FTO: variants seen among roughly 807,000 people sequenced by gnomAD.
FTO encodes the protein alpha-ketoglutarate-dependent dioxygenase FTO.
In FTO, 47 loss-of-function variants were observed where a neutral mutation model predicts 63.9. The ratio of observed to expected loss-of-function variants is 0.74; its 90% CI spans 0.58 to 0.94. FTO has a LOEUF of 0.94. FTO is among the 40% of genes least tolerant of loss of function. FTO has a pLI of 0.00. For missense variants in FTO, 562 were observed against 618.1 expected, an observed-to-expected ratio of 0.91 and a Z score of 0.96; for synonymous variants, 207 against 224.4, an observed-to-expected ratio of 0.92 and a Z score of 0.69.
chr16:53,891,578 T>C (rs1356939388), intron 7 of FTO, among the ~76,000 whole-genome samples: 1 of 152,110 alleles, frequency 6.6e-6, no homozygotes. Flanking sequence ...GGAGGATCAT[T>C]GGAGCCCAGG....
At chr16:53,876,283 T>C (rs4784328) in intron 5 of FTO, among the ~76,000 whole-genome samples, 78,330 of 151,964 alleles carry the variant, frequency 0.52, 20,912 homozygotes, top group East Asian at 0.85. Context: ...TAAATATAAA[T>C]GGTAGCCTAC....
chr16:53,884,877 G>T (rs1172423554), intron 6 of FTO, among the ~76,000 whole-genome samples: 3 of 152,148 alleles, frequency 2.0e-5, no homozygotes, highest in Non-Finnish European at 4.4e-5. Flanking sequence ...GCTCCTGCAG[G>T]TTGTTTCCCT....
intron 7 of FTO, among the ~76,000 whole-genome samples, chr16:53,909,716 A>G (rs1027847579): frequency 5.3e-5 from 8 of 151,222 alleles, no homozygotes; most frequent in African/African-American, 1.9e-4. Flanking sequence ...GGTGCCCGCC[A>G]CCACGCTCGG....
chr16:53,988,814 A>C (rs1366919865), intron 8 of FTO, among the ~76,000 whole-genome samples: 1 of 152,130 alleles, frequency 6.6e-6, no homozygotes, highest in Non-Finnish European at 1.5e-5. Flanking sequence ...GCCTCATCAT[A>C]CCTCATAATA....
At chr16:53,984,028 C>T (rs569588725) in intron 8 of FTO, among the ~76,000 whole-genome samples, 1 of 152,312 alleles carries the variant, frequency 6.6e-6, no homozygotes, top group East Asian at 1.9e-4. Context: ...AGTGGCCATA[C>T]CTTCTCATTC....
intron 2 of FTO, among the ~76,000 whole-genome samples, chr16:53,819,283 C>T (rs1422650094): frequency 6.6e-6 from 1 of 152,204 alleles, no homozygotes; most frequent in African/African-American, 2.4e-5. Flanking sequence ...CATCCTTCCA[C>T]CTCAGCTGCC....
chr16:53,748,787 G>A (rs760190937), intron 1 of FTO, among the ~76,000 whole-genome samples: 42 of 151,298 alleles, frequency 2.8e-4, no homozygotes, highest in Non-Finnish European at 4.4e-4. Flanking sequence ...TTTTTGAAAC[G>A]GATTCTTGCT....
At chr16:53,774,670 A>G (rs1453302700) in intron 1 of FTO, among the ~76,000 whole-genome samples, 1 of 152,182 alleles carries the variant, frequency 6.6e-6, no homozygotes, top group Non-Finnish European at 1.5e-5. Context: ...AGGTTGATAT[A>G]AAGTCATCAG....
chr16:54,075,096 T>C (rs2085962018), intron 8 of FTO, among the ~76,000 whole-genome samples: 2 of 152,250 alleles, frequency 1.3e-5, no homozygotes, highest in African/African-American at 4.8e-5. Context: ...AAATACTTGT[T>C]CATGTCGTTT....
intron 4 of FTO, among the ~76,000 whole-genome samples, chr16:53,850,734 G>C (rs1325344101): frequency 6.6e-6 from 1 of 151,556 alleles, no homozygotes; most frequent in Non-Finnish European, 1.5e-5. Flanking sequence ...CTCTCATTCT[G>C]ACACTCACTT....
chr16:53,707,397 G>A (rs1347937908), intron 1 of FTO, among the ~76,000 whole-genome samples: 1 of 152,178 alleles, frequency 6.6e-6, no homozygotes, highest in Non-Finnish European at 1.5e-5. Context: ...AATCCAGGAT[G>A]ATCCTGAGAT....
At chr16:53,996,582 A>G (rs1452276315) in intron 8 of FTO, among the ~76,000 whole-genome samples, 2 of 152,186 alleles carry the variant, frequency 1.3e-5, no homozygotes, top group African/African-American at 2.4e-5. Flanking sequence ...ACCTGAGAGT[A>G]TGAGGATCAC....
chr16:53,941,772 C>T (rs984508529), intron 8 of FTO, among the ~76,000 whole-genome samples: 15 of 152,154 alleles, frequency 9.9e-5, no homozygotes, highest in African/African-American at 3.6e-4. Flanking sequence ...GCACTTGAGC[C>T]CAGGAGGCAG....
intron 8 of FTO, among the ~76,000 whole-genome samples, chr16:54,026,625 C>T (rs543181331): frequency 1.2e-4 from 18 of 152,272 alleles, no homozygotes; most frequent in East Asian, 3.9e-4. Context: ...GGCACAACTC[C>T]CTTGTGTGAA....
intron 8 of FTO, among the ~76,000 whole-genome samples, chr16:54,054,847 C>T (rs1467061664): frequency 1.3e-5 from 2 of 152,014 alleles, no homozygotes; most frequent in Non-Finnish European, 2.9e-5. Context: ...AAAATTGGGG[C>T]TAAAGGAAAG....
In FTO at chr16:54,117,537, G is replaced by A. The variant is rs1437468457; in HGVS notation, c.*5622G>A. The A allele has an allele frequency of 2.0e-5, 3 of 152,088 alleles. No individual in the cohort carries two copies. Among genetic ancestry groups the A allele is most frequent in the Non-Finnish European group, 2.9e-5 (2 of 68,036 alleles). The allele number at this position is 152,088 out of a possible 1,614,324, so 9.4% of individuals were successfully genotyped here. A position where few individuals can be genotyped will look rare whatever the true frequency, so the allele number is the denominator to read the frequency against. On this transcript the variant is annotated 3_prime_UTR_variant, in exon 9 of 9. Coordinates refer to ENST00000471389, the MANE Select transcript of FTO (RefSeq NM_001080432.3). ...ATTATTATGATGAAAAATATGATCC[G>A]TGATATCCTGACCAAAATATTAAAG...
chr16:53,776,902 A>C (rs1469504468), intron 1 of FTO, among the ~76,000 whole-genome samples: 1 of 152,156 alleles, frequency 6.6e-6, no homozygotes, highest in Non-Finnish European at 1.5e-5. Flanking sequence ...TATTATTCCA[A>C]AACTTGTCAA....
At chr16:53,784,492 G>T (rs1472643740) in intron 1 of FTO, among the ~76,000 whole-genome samples, 1 of 152,112 alleles carries the variant, frequency 6.6e-6, no homozygotes, top group African/African-American at 2.4e-5. Flanking sequence ...TCCCTGACTT[G>T]GTAGAAAGAT....
intron 8 of FTO, among the ~76,000 whole-genome samples, chr16:53,997,229 A>G (rs561836540): frequency 2.0e-5 from 3 of 149,698 alleles, no homozygotes; most frequent in South Asian, 4.3e-4. Flanking sequence ...GAGAGAGAGA[A>G]AGAAAGAAAG....
Sources: allele counts gnomAD v4.1 joint callset (sites outside exome capture counted in the v4.1 genomes callset), GRCh38; gene constraint gnomAD v4.1.1; transcripts MANE v1.5; gene names NCBI Gene and HGNC (gene_info 2026-07-23, HGNC 2026-07-21).